PABPC4L: variants seen among roughly 807,000 people sequenced by gnomAD.
PABPC4L encodes polyadenylate-binding protein 4-like.
For missense variants in PABPC4L, 452 were observed against 451.4 expected (o/e 1.00, Z -0.01); for synonymous variants, 169 against 164.1 (o/e 1.03, Z -0.23).
chr4:134,085,821 T>C, the PABPC4L span, among the ~76,000 whole-genome samples: 1 of 152,324 alleles, frequency 6.6e-6, no homozygotes, highest in Non-Finnish European at 1.5e-5. Context: ...TGCATATGTG[T>C]TCTTTTCAGT....
the PABPC4L span, among the ~76,000 whole-genome samples, chr4:134,083,882 TAA>T: frequency 3.5e-4 from 54 of 152,276 alleles, 4 homozygotes; most frequent in South Asian, 8.3e-3. Context: ...ATTATAAAAT[TAA>T]GATATTATAT....
the PABPC4L span, among the ~76,000 whole-genome samples, chr4:134,012,166 G>T: frequency 6.6e-6 from 1 of 152,084 alleles, no homozygotes; most frequent in Non-Finnish European, 1.5e-5. Context: ...TGGTATAATA[G>T]TACCTAGCTA....
At chr4:134,031,943 A>G in the PABPC4L span, among the ~76,000 whole-genome samples, 1 of 152,076 alleles carries the variant, frequency 6.6e-6, no homozygotes, top group East Asian at 1.9e-4. Context: ...TTATATTAAT[A>G]GATCAATTTT....
the PABPC4L span, among the ~76,000 whole-genome samples, chr4:134,025,821 CAAT>C: frequency 6.6e-6 from 1 of 151,886 alleles, no homozygotes; most frequent in Non-Finnish European, 1.5e-5. Context: ...GAAGTTTTGT[CAAT>C]GATAAGAGAA....
At chr4:134,062,411 T>A in the PABPC4L span, among the ~76,000 whole-genome samples, 1 of 152,024 alleles carries the variant, frequency 6.6e-6, no homozygotes, top group Non-Finnish European at 1.5e-5. Flanking sequence ...TACTTTCCCA[T>A]CTCCCCTGCA....
chr4:134,021,273 A>G, the PABPC4L span, among the ~76,000 whole-genome samples: 1 of 152,166 alleles, frequency 6.6e-6, no homozygotes, highest in Non-Finnish European at 1.5e-5. Context: ...GCTAACCATC[A>G]AAAGAGCAAC....
chr4:134,197,379 C>T lies in PABPC4L; in HGVS notation c.*2528G>A, dbSNP rs1729694375. 2 of 151,566 alleles carry T rather than the reference C, an allele frequency of 1.3e-5. No individual in the cohort carries two copies. Among genetic ancestry groups the T allele is most frequent in the Admixed American group, 1.3e-4 (2 of 15,220 alleles). 9.4% of individuals were successfully genotyped at this position (151,566 alleles called of 1,614,324 possible). ...TATGAAAATCTGAAAGTCATAAACACAATACAGATAAATTGTGTGGGTGTA... is the reference window on the plus strand; with the variant it reads ...TATGAAAATCTGAAAGTCATAAACATAATACAGATAAATTGTGTGGGTGTA... On this transcript the variant is annotated 3_prime_UTR_variant, in exon 2 of 2. Transcript: ENST00000421491.
chr4:134,051,620 A>C, the PABPC4L span, among the ~76,000 whole-genome samples: 1 of 152,246 alleles, frequency 6.6e-6, no homozygotes, highest in Non-Finnish European at 1.5e-5. Flanking sequence ...GGCATTGAAA[A>C]AATCTTTAAA....
At chr4:134,055,427 G>C in the PABPC4L span, among the ~76,000 whole-genome samples, 1 of 147,458 alleles carries the variant, frequency 6.8e-6, no homozygotes, top group Non-Finnish European at 1.5e-5. Context: ...ACAATGAGAA[G>C]ATGGTCATCC....
At chr4:134,092,677 T>C in the PABPC4L span, among the ~76,000 whole-genome samples, 1 of 151,926 alleles carries the variant, frequency 6.6e-6, no homozygotes. Flanking sequence ...CAAGAATGGT[T>C]CATAAATGCA....
At chr4:134,015,954 T>C in the PABPC4L span, among the ~76,000 whole-genome samples, 1 of 152,108 alleles carries the variant, frequency 6.6e-6, no homozygotes, top group African/African-American at 2.4e-5. Context: ...CCTGGCTCCT[T>C]CAGCTGTACT....
the PABPC4L span, among the ~76,000 whole-genome samples, chr4:134,098,600 A>G: frequency 6.6e-6 from 1 of 151,736 alleles, no homozygotes; most frequent in East Asian, 1.9e-4. Flanking sequence ...TCCAAATCTA[A>G]TAAGAGATGA....
At chr4:134,159,540 A>G in the PABPC4L span, among the ~76,000 whole-genome samples, 1 of 152,102 alleles carries the variant, frequency 6.6e-6, no homozygotes, top group Non-Finnish European at 1.5e-5. Flanking sequence ...GTGCTACCCT[A>G]TCATAGGGCA....
the PABPC4L span, among the ~76,000 whole-genome samples, chr4:134,128,717 T>A: frequency 6.6e-6 from 1 of 151,754 alleles, no homozygotes; most frequent in Admixed American, 6.6e-5. Flanking sequence ...AAAGCATAAA[T>A]CTCATAGGAT....
the PABPC4L span, among the ~76,000 whole-genome samples, chr4:134,124,636 T>A: frequency 6.6e-6 from 1 of 152,088 alleles, no homozygotes; most frequent in Non-Finnish European, 1.5e-5. Context: ...GAAAAGGAGA[T>A]GTTTGGTTAT....
chr4:134,112,583 T>A, the PABPC4L span, among the ~76,000 whole-genome samples: 1 of 149,378 alleles, frequency 6.7e-6, no homozygotes, highest in African/African-American at 2.5e-5. Flanking sequence ...TCTATCTATC[T>A]ATCTATCTAT....
At chr4:134,119,153 C>G in the PABPC4L span, among the ~76,000 whole-genome samples, 1 of 151,056 alleles carries the variant, frequency 6.6e-6, no homozygotes, top group East Asian at 2.0e-4. Flanking sequence ...TAACCACATG[C>G]AAGATGTTAA....
chr4:134,095,711 G>A, the PABPC4L span, among the ~76,000 whole-genome samples: 1 of 151,938 alleles, frequency 6.6e-6, no homozygotes, highest in African/African-American at 2.4e-5. Context: ...GATAGGTTCA[G>A]TAAATCCTTA....
chr4:134,010,381 A>C, the PABPC4L span, among the ~76,000 whole-genome samples: 3 of 152,266 alleles, frequency 2.0e-5, no homozygotes, highest in East Asian at 3.9e-4. Flanking sequence ...ACATTATTAA[A>C]TATCTGGCAT....
Sources: allele counts gnomAD v4.1 joint callset (sites outside exome capture counted in the v4.1 genomes callset), GRCh38; gene constraint gnomAD v4.1.1; transcripts MANE v1.5; gene names NCBI Gene and HGNC (gene_info 2026-07-23, HGNC 2026-07-21).